The following CLRN2 variants were observed in gnomAD, a reference collection of about 807,000 sequenced individuals.
CLRN2 encodes the protein clarin-2.
CLRN2 carries 17 observed loss-of-function variants against 20.1 expected under a neutral mutation model. That is an observed-to-expected ratio of 0.85 (90% CI 0.58 to 1.27). The LOEUF (loss-of-function observed/expected upper bound fraction) is 1.27, where lower values mean the gene tolerates loss of function less well. CLRN2 is among the 50% of genes most tolerant of loss of function. The pLI is 0.00. For missense variants in CLRN2, 288 were observed against 299.5 expected (o/e 0.96, Z 0.28); for synonymous variants, 140 against 126.9 (o/e 1.10, Z -0.70).
Position 17,527,043 on chromosome 4 carries a change from C to CG in CLRN2, c.661dup (p.Glu221GlyfsTer8). 1 of 1,612,382 alleles carries CG rather than the reference C, an allele frequency of 6.2e-7. No individual in the cohort carries two copies. The highest frequency in any genetic ancestry group is 8.5e-7 in the Non-Finnish European group (1 of 1,179,210). ...CCCTCCCTGAGATTAAGACCAAAAT[C>CG]GAAGAGGCCACGGTCACAGCTGAGG... is the stretch of plus-strand genomic sequence containing the variant. On this transcript the variant is annotated frameshift_variant, in exon 3 of 3. Coordinates refer to ENST00000511148, the MANE Select transcript of CLRN2 (RefSeq NM_001079827.2). LOFTEE classifies it high-confidence loss of function.
chr4:17,515,325 C>G lies in CLRN2; in HGVS notation c.59C>G (p.Ser20Cys), dbSNP rs753404281. 3.1e-6 allele frequency: 5 copies of G among 1,614,020 alleles called. No homozygotes were observed. Among genetic ancestry groups the G allele is most frequent in the Non-Finnish European group, 3.4e-6 (4 of 1,179,898 alleles). Residue 20 changes from serine to cysteine, a missense_variant, in exon 1 of 3, where the codon TCC becomes TGC. Physicochemically the swap from Ser to Cys is moderately radical, Grantham distance 112. Transcript: ENST00000511148. The part of the protein sequence containing the change: ...YGLASLLSFS[S>C]FILIIVALVV... ...CTGGCGTCTTTACTCAGCTTCTCCT[C>G]CTTCATCCTGATCATCGTTGCCCTG...
chr4:17,527,090 C>T lies in CLRN2; in HGVS notation c.*8C>T. On this transcript the variant is annotated 3_prime_UTR_variant, in exon 3 of 3. Transcript: ENST00000511148. ...GAGGATATCTTGTATTAATAGCCTT[C>T]CCCTGTTCACAACCTGTCCTAAGTC... The T allele has an allele frequency of 1.2e-6, 2 of 1,612,994 alleles. No individual in the cohort carries two copies. The highest frequency in any genetic ancestry group is 2.2e-5 in the East Asian group (1 of 44,868).
intron 1 of CLRN2, among the ~76,000 whole-genome samples, chr4:17,518,738 G>T (rs1711757953): frequency 6.7e-6 from 1 of 148,916 alleles, no homozygotes; most frequent in African/African-American, 2.5e-5. Flanking sequence ...TCCAGCCTGG[G>T]TGAAAAGAGT....
rs1711992339 is a variant in CLRN2, at chr4:17,526,931, A to G, written c.548A>G (p.Glu183Gly). The G allele has an allele frequency of 6.2e-7, 1 of 1,614,058 alleles. No homozygotes were observed. The highest frequency in any genetic ancestry group is 8.5e-7 in the Non-Finnish European group (1 of 1,179,902). ...EKLFQFVVVE[E>G]QYEESFWICV... ...CTCTTCCAGTTTGTGGTGGTGGAAGAACAGTATGAAGAGTCGTTTTGGATC... is the reference window on the plus strand; with the variant it reads ...CTCTTCCAGTTTGTGGTGGTGGAAGGACAGTATGAAGAGTCGTTTTGGATC... The change falls in exon 3 of 3, where the codon GAA becomes GGA. Residue 183 changes from glutamate to glycine, a missense_variant. Coordinates refer to ENST00000511148, the MANE Select transcript of CLRN2 (RefSeq NM_001079827.2).
chr4:17,518,214 AG>A (rs1410498590), intron 1 of CLRN2, among the ~76,000 whole-genome samples: 1 of 152,200 alleles, frequency 6.6e-6, no homozygotes, highest in Non-Finnish European at 1.5e-5. Flanking sequence ...AAAATCACCC[AG>A]GGGAATAAAT....
At chr4:17,519,173 GATGCTGATAGATGCTGATAGATGCATCAT>G (rs1352836681) in intron 1 of CLRN2, among the ~76,000 whole-genome samples, 170 of 152,132 alleles carry the variant, frequency 1.1e-3, no homozygotes, top group African/African-American at 3.9e-3. Context: ...AATTATCTTA[GATGCTGATAGATGCTGATAGATGCATCAT>G]ATGCTGATAG....
intron 1 of CLRN2, among the ~76,000 whole-genome samples, chr4:17,518,893 C>A (rs1388526743): frequency 1.3e-5 from 2 of 152,164 alleles, no homozygotes; most frequent in Admixed American, 6.5e-5. Flanking sequence ...TCCATTTTTA[C>A]TATGCTAGAG....
chr4:17,517,784 A>T (rs1711715887), intron 1 of CLRN2, among the ~76,000 whole-genome samples: 2 of 152,122 alleles, frequency 1.3e-5, no homozygotes, highest in South Asian at 4.2e-4. Flanking sequence ...GTTGTCTCAG[A>T]GGAGGGTCTG....
intron 1 of CLRN2, among the ~76,000 whole-genome samples, chr4:17,516,420 T>C (rs577431752): frequency 5.3e-5 from 8 of 152,358 alleles, no homozygotes; most frequent in African/African-American, 1.4e-4. Context: ...AATTAATCAA[T>C]ACCATGCCAA....
intron 1 of CLRN2, among the ~76,000 whole-genome samples, chr4:17,520,980 T>C (rs1289766730): frequency 1.3e-5 from 2 of 152,238 alleles, no homozygotes; most frequent in Non-Finnish European, 2.9e-5. Context: ...ATGGTGCCAC[T>C]GCACTCCAGC....
intron 1 of CLRN2, among the ~76,000 whole-genome samples, chr4:17,517,083 G>A (rs1444241008): frequency 6.6e-6 from 1 of 152,184 alleles, no homozygotes; most frequent in African/African-American, 2.4e-5. Context: ...AATTCAATGG[G>A]CTTAAAGAAC....
intron 2 of CLRN2, among the ~76,000 whole-genome samples, chr4:17,523,861 G>C (rs1459515181): frequency 1.3e-5 from 2 of 149,662 alleles, no homozygotes; most frequent in African/African-American, 2.5e-5. Flanking sequence ...CTCACTGGCT[G>C]TCTCAACTCT....
At chr4:17,524,233 T>C (rs1003880352) in intron 2 of CLRN2, among the ~76,000 whole-genome samples, 39 of 137,712 alleles carry the variant, frequency 2.8e-4, no homozygotes, top group African/African-American at 9.8e-4. Flanking sequence ...TGTGTGTGTG[T>C]GTGCGCGCGC....
intron 1 of CLRN2, among the ~76,000 whole-genome samples, chr4:17,518,393 A>G (rs1187028331): frequency 6.6e-6 from 1 of 152,238 alleles, no homozygotes; most frequent in Non-Finnish European, 1.5e-5. Context: ...ATTCAATTGT[A>G]CTATGGAGTA....
At position 17,527,037 on chromosome 4, in the gene CLRN2, C is replaced by T. The variant is rs371891020; in HGVS notation, c.654C>T (p.Thr218=). 11 of 1,613,960 alleles carry T rather than the reference C, an allele frequency of 6.8e-6. No individual in the cohort carries two copies. In the Admixed American group the frequency reaches 1.2e-4, roughly 17 times the overall value. ...ISQIPLPEIK[T]KIEEATVTAE... ...AAATTCCCCTCCCTGAGATTAAGAC[C>T]AAAATCGAAGAGGCCACGGTCACAG... Residue 218 remains threonine (T), a synonymous_variant, in exon 3 of 3, where the codon ACC becomes ACT. Transcript: ENST00000511148.
intron 1 of CLRN2, among the ~76,000 whole-genome samples, chr4:17,518,046 C>G (rs1440810447): frequency 7.8e-6 from 1 of 127,658 alleles, no homozygotes; most frequent in East Asian, 2.4e-4. Context: ...TTCTGCCATT[C>G]ACTATCCATC....
chr4:17,517,362 CT>C (rs1711704148), intron 1 of CLRN2, among the ~76,000 whole-genome samples: 1 of 152,134 alleles, frequency 6.6e-6, no homozygotes, highest in Non-Finnish European at 1.5e-5. Flanking sequence ...CCAGAGAGAC[CT>C]TGAGACTTCT....
At chr4:17,518,826 A>G (rs1711760919) in intron 1 of CLRN2, among the ~76,000 whole-genome samples, 2 of 152,154 alleles carry the variant, frequency 1.3e-5, no homozygotes, top group African/African-American at 4.8e-5. Flanking sequence ...AGGCAGATAA[A>G]TATATACTAG....
At chr4:17,520,031 TA>T (rs1711798008) in intron 1 of CLRN2, among the ~76,000 whole-genome samples, 3 of 152,128 alleles carry the variant, frequency 2.0e-5, no homozygotes, top group Non-Finnish European at 4.4e-5. Context: ...TAATGACATA[TA>T]TTAAAAAATA....
Sources: gnomAD v4.1 joint callset for allele counts (sites outside exome capture counted in the v4.1 genomes callset) on GRCh38, gnomAD v4.1.1 for gene constraint, MANE v1.5 for transcripts, NCBI Gene and HGNC (gene_info 2026-07-23, HGNC 2026-07-21) for gene names.